MCPH1: variants seen among roughly 807,000 people sequenced by gnomAD.
MCPH1 encodes the protein microcephalin.
In MCPH1, 104 loss-of-function variants were observed where a neutral mutation model predicts 84.5. The ratio of observed to expected loss-of-function variants is 1.23; its 90% CI spans 1.05 to 1.45. The LOEUF (loss-of-function observed/expected upper bound fraction) is 1.45, where lower values mean the gene tolerates loss of function less well. MCPH1 is among the 40% of genes most tolerant of loss of function. The pLI is 0.00. For missense variants in MCPH1, 1,498 were observed against 1,005.7 expected (o/e 1.49, Z -6.62); for synonymous variants, 514 against 366.8 (o/e 1.40, Z -4.58).
chr8:6,634,882 T>C (rs1257972347), intron 13 of MCPH1: 1 of 152,164 alleles, frequency 6.6e-6, no homozygotes, highest in Non-Finnish European at 1.5e-5. Context: ...AAAAACACTG[T>C]CTTGAATTGC....
At chr8:6,409,508 CA>C (rs1798242366) in intron 2 of MCPH1, 138 bp downstream of exon 2, 4 of 715,262 alleles carry the variant, frequency 5.6e-6, no homozygotes, top group African/African-American at 5.3e-5. Flanking sequence ...AAAAAAGAGC[CA>C]AAGTGTGAAG....
At chr8:6,533,613 C>G (rs542641530) in intron 12 of MCPH1, among the ~76,000 whole-genome samples, 1 of 136,282 alleles carries the variant, frequency 7.3e-6, no homozygotes, top group East Asian at 2.4e-4. Flanking sequence ...ATGATGGGAA[C>G]CATTCTTCCA....
At position 6,646,955 on chromosome 8, in the gene MCPH1, G is replaced by A. The variant is rs902595840; in HGVS notation, c.*3906G>A. ...ATAATTCATTAAAAAAATAAGTTGG[G>A]CTTTGTCAAAATTTTAAGTTTTGCT... On this transcript the variant is annotated 3_prime_UTR_variant, in exon 14 of 14. Transcript: ENST00000344683. The A allele has an allele frequency of 1.3e-5, 2 of 151,726 alleles. No homozygotes were observed. The highest frequency in any genetic ancestry group is 2.9e-5 in the Non-Finnish European group (2 of 67,970). The allele number at this position is 151,726 out of a possible 1,614,324, so 9.4% of individuals were successfully genotyped here. A position where few individuals can be genotyped will look rare whatever the true frequency, so the allele number is the denominator to read the frequency against.
intron 12 of MCPH1, among the ~76,000 whole-genome samples, chr8:6,597,805 C>T (rs1020138351): frequency 5.3e-5 from 8 of 152,190 alleles, no homozygotes; most frequent in Non-Finnish European, 8.8e-5. Context: ...ACTGTCCTTC[C>T]GTGACCCACA....
intron 12 of MCPH1, among the ~76,000 whole-genome samples, chr8:6,578,859 A>G (rs902988554): frequency 1.3e-5 from 2 of 152,190 alleles, no homozygotes; most frequent in Non-Finnish European, 2.9e-5. Context: ...AAGAGGTTCA[A>G]CGTTGGGAGC....
intron 12 of MCPH1, among the ~76,000 whole-genome samples, chr8:6,522,189 A>G (rs1040146127): frequency 2.0e-5 from 3 of 151,990 alleles, no homozygotes; most frequent in African/African-American, 7.2e-5. Flanking sequence ...CCCCGTCTCC[A>G]CTAAAAATAC....
chr8:6,577,025 C>T (rs552377994), intron 12 of MCPH1, among the ~76,000 whole-genome samples: 83 of 152,202 alleles, frequency 5.5e-4, no homozygotes, highest in African/African-American at 1.9e-3. Context: ...CCCTTTGCCA[C>T]GGAACCTGAA....
intron 12 of MCPH1, among the ~76,000 whole-genome samples, chr8:6,543,058 C>T (rs1364341521): frequency 2.0e-5 from 3 of 152,254 alleles, no homozygotes; most frequent in Non-Finnish European, 2.9e-5. Flanking sequence ...CAGGGCTGTG[C>T]GTGCCCTGCC....
At chr8:6,524,315 T>C (rs1016521021) in intron 12 of MCPH1, among the ~76,000 whole-genome samples, 1 of 152,256 alleles carries the variant, frequency 6.6e-6, no homozygotes, top group African/African-American at 2.4e-5. Context: ...CAGCTTCTGT[T>C]AATGTCACAT....
At position 6,445,956 on chromosome 8, in the gene MCPH1, G is replaced by A. The variant is rs974999805; in HGVS notation, c.1825+409G>A. 8 of 983,682 alleles carry A rather than the reference G, an allele frequency of 8.1e-6. No individual in the cohort carries two copies. In the South Asian group the frequency reaches 3.8e-4, roughly 46 times the overall value. 60.9% of individuals were successfully genotyped at this position (983,682 alleles called of 1,614,324 possible). On this transcript the variant is annotated intron_variant, in intron 8 of 13. Transcript: ENST00000344683. ...TTAATAGTGAGGCTATTTAAAGAAA[G>A]AAATTAAGGTAGATTAAGCCATCGA...
At position 6,523,119 on chromosome 8, in the gene MCPH1, T is replaced by C. The variant is rs180881556; in HGVS notation, c.2214+23190T>C. 5.6e-4 allele frequency among the ~76,000 whole-genome samples: 85 copies of C among 152,132 alleles called. 1 individual carries two copies. In the South Asian group the frequency reaches 6.2e-3, roughly 11 times the overall value. ...TTCAAGCTATTCTCCTGCCTCAGTC[T>C]CCCGAGTAGCTGGGACTACAGGCGC... On this transcript the variant is annotated intron_variant, in intron 12 of 13. Transcript: ENST00000344683.
At chr8:6,488,741 A>G (rs1234997483) in intron 11 of MCPH1, among the ~76,000 whole-genome samples, 1 of 152,038 alleles carries the variant, frequency 6.6e-6, no homozygotes, top group Non-Finnish European at 1.5e-5. Context: ...TGCAGAAGCC[A>G]TCGGACTATT....
chr8:6,623,688 CAAAAA>C (rs377522481), intron 13 of MCPH1, among the ~76,000 whole-genome samples: 1,338 of 92,256 alleles, frequency 0.015, 54 homozygotes, highest in African/African-American at 0.057. Context: ...AACCAACTTC[CAAAAA>C]AAAAAAAAAA....
intron 11 of MCPH1, among the ~76,000 whole-genome samples, chr8:6,484,383 T>A (rs1809600836): frequency 6.6e-6 from 1 of 150,972 alleles, no homozygotes; most frequent in African/African-American, 2.4e-5. Flanking sequence ...AAAGAAAAAA[T>A]AACAGTCGCA....
chr8:6,570,338 G>A (rs1046107846), intron 12 of MCPH1, among the ~76,000 whole-genome samples: 4 of 152,146 alleles, frequency 2.6e-5, no homozygotes, highest in South Asian at 2.1e-4. Context: ...CATTGACTCC[G>A]TAGAATTCCC....
At chr8:6,514,544 C>T in intron 12 of MCPH1, 1 of 771,910 alleles carries the variant, frequency 1.3e-6, no homozygotes. Flanking sequence ...AAAGGGGAGA[C>T]TGAAGCACCA....
intron 11 of MCPH1, among the ~76,000 whole-genome samples, chr8:6,497,494 T>TTC (rs1468628208): frequency 6.6e-6 from 1 of 151,976 alleles, no homozygotes; most frequent in Admixed American, 6.6e-5. Flanking sequence ...AGAGGAAGAC[T>TTC]GTCTAAAAAA....
At chr8:6,633,812 C>T (rs906290273) in intron 13 of MCPH1, among the ~76,000 whole-genome samples, 1 of 152,218 alleles carries the variant, frequency 6.6e-6, no homozygotes, top group African/African-American at 2.4e-5. Flanking sequence ...TGCTTATTCT[C>T]TGCAGTGTCA....
chr8:6,445,991 A>G, intron 8 of MCPH1: 1 of 979,456 alleles, frequency 1.0e-6, no homozygotes, highest in Non-Finnish European at 1.2e-6. Flanking sequence ...ATTGTATCAT[A>G]GAGAAAGTGT....
Sources: allele counts gnomAD v4.1 joint callset (sites outside exome capture counted in the v4.1 genomes callset), GRCh38; gene constraint gnomAD v4.1.1; transcripts MANE v1.5; gene names NCBI Gene and HGNC (gene_info 2026-07-23, HGNC 2026-07-21).